The following DEPDC4 variants were observed in gnomAD, a reference collection of about 807,000 sequenced individuals.
DEPDC4 encodes the protein DEP domain containing 4.
A neutral mutation model predicts 52.0 loss-of-function variants in DEPDC4; 52 were observed. That is an observed-to-expected ratio of 1.00 (90% CI 0.80 to 1.26). DEPDC4 has a LOEUF of 1.26. Among genes scored for constraint, DEPDC4 ranks in the 50% most tolerant of loss-of-function variants. DEPDC4 has a pLI of 0.00. For missense variants in DEPDC4, 530 were observed against 546.9 expected (o/e 0.97, Z 0.31); for synonymous variants, 201 against 196.8 (o/e 1.02, Z -0.18).
chr12:100,235,083 A>G (rs1350567172), downstream of DEPDC4, among the ~76,000 whole-genome samples: 1 of 151,604 alleles, frequency 6.6e-6, no homozygotes, highest in Non-Finnish European at 1.5e-5. Flanking sequence ...ATATATGTAT[A>G]TACACATACA....
chr12:100,257,147 C>T lies in DEPDC4; in HGVS notation c.701-921G>A, dbSNP rs1296695935. Among the ~76,000 whole-genome samples, 6 of 147,808 alleles carry T rather than the reference C, an allele frequency of 4.1e-5. No homozygotes were observed. The East Asian group carries it at 8.2e-4, about 20-fold the overall frequency. On this transcript the variant is annotated intron_variant, in intron 3 of 9. Coordinates refer to ENST00000550587, the MANE Select transcript of DEPDC4 (RefSeq NM_001364818.2). ...AGGCTGGAGTGCAATGGTGCAATCT[C>T]GGCTCACTGCAACTTCCATCTCCCC... is the stretch of plus-strand genomic sequence containing the variant.
At chr12:100,244,093 GTGTATATATATATATA>G (rs1318081021) in intron 8 of DEPDC4, among the ~76,000 whole-genome samples, 2,488 of 89,300 alleles carry the variant, frequency 0.028, 177 homozygotes, top group African/African-American at 0.088. Flanking sequence ...CTCTCTCTCT[GTGTATATATATATATA>G]TATATATATA....
intron 2 of DEPDC4, 26 bp downstream of exon 2, chr12:100,263,471 A>G (rs1566327971): frequency 1.3e-6 from 2 of 1,519,610 alleles, no homozygotes; most frequent in East Asian, 2.3e-5. Flanking sequence ...AATAAAATAT[A>G]TTACAGTATC....
chr12:100,265,996 T>C (rs1462202811), intron 1 of DEPDC4, among the ~76,000 whole-genome samples: 6 of 152,154 alleles, frequency 3.9e-5, no homozygotes, highest in Admixed American at 6.5e-5. Flanking sequence ...TTTCAGACCA[T>C]TGCATCATTC....
At chr12:100,235,835 G>A (rs1354121126), downstream of DEPDC4, among the ~76,000 whole-genome samples, 11 of 152,106 alleles carry the variant, frequency 7.2e-5, no homozygotes, top group Non-Finnish European at 1.2e-4. Flanking sequence ...CAGCTTCCCA[G>A]AGTGTTGGGA....
At chr12:100,268,804 A>G (rs1363124718), upstream of DEPDC4, among the ~76,000 whole-genome samples, 2 of 152,124 alleles carry the variant, frequency 1.3e-5, no homozygotes, top group African/African-American at 4.8e-5. Flanking sequence ...TACTGTGTTT[A>G]ACTCCGTGGG....
the DEPDC4 span, among the ~76,000 whole-genome samples, chr12:100,273,102 G>A: frequency 9.5e-4 from 144 of 152,172 alleles, no homozygotes; most frequent in Middle Eastern, 6.8e-3. Context: ...TTGATAGAGT[G>A]ATTGATCATC....
chr12:100,238,309 C>T (rs1326515728), downstream of DEPDC4, among the ~76,000 whole-genome samples: 1 of 151,546 alleles, frequency 6.6e-6, no homozygotes, highest in Non-Finnish European at 1.5e-5. Context: ...ATGGCATGCA[C>T]CAACACTCCC....
At chr12:100,261,581 T>A (rs2096253742) in intron 3 of DEPDC4, 1 of 383,962 alleles carries the variant, frequency 2.6e-6, no homozygotes, top group African/African-American at 2.1e-5. Context: ...GATACACTCA[T>A]TAAGAAGATG....
At chr12:100,252,077 T>C in intron 7 of DEPDC4, 99 bp downstream of exon 7, 1 of 1,031,862 alleles carries the variant, frequency 9.7e-7, no homozygotes, top group Non-Finnish European at 1.2e-6. Flanking sequence ...TTGCACATTA[T>C]AGGTACTTAG....
downstream of DEPDC4, among the ~76,000 whole-genome samples, chr12:100,235,794 G>C (rs933713481): frequency 6.6e-6 from 1 of 152,094 alleles, no homozygotes; most frequent in African/African-American, 2.4e-5. Flanking sequence ...GGCTGGTCTT[G>C]AACTCCTGAC....
chr12:100,255,808 G>A (rs768509092), intron 4 of DEPDC4: 18 of 275,954 alleles, frequency 6.5e-5, no homozygotes, highest in African/African-American at 6.5e-5. Flanking sequence ...TGGATGATGC[G>A]GGGAGAAGAT....
the DEPDC4 span, among the ~76,000 whole-genome samples, chr12:100,273,179 GA>G: frequency 6.6e-6 from 1 of 152,104 alleles, no homozygotes; most frequent in South Asian, 2.1e-4. Context: ...TGTCCTTGGT[GA>G]TCTGGCTTTT....
intron 8 of DEPDC4, among the ~76,000 whole-genome samples, chr12:100,244,254 C>T (rs1460000445): frequency 6.6e-6 from 1 of 151,132 alleles, no homozygotes; most frequent in Admixed American, 6.6e-5. Flanking sequence ...GATCTCGGCT[C>T]ACTGCAAGCT....
chr12:100,255,939 A>G (rs1420405235), intron 4 of DEPDC4, 110 bp downstream of exon 4: 1 of 702,622 alleles, frequency 1.4e-6, no homozygotes, highest in East Asian at 2.7e-5. Context: ...TATAAAAGAG[A>G]GATAGTATAA....
chr12:100,281,019 G>GTTTTGTTTTTTTTTTTT, the DEPDC4 span, among the ~76,000 whole-genome samples: 31 of 50,490 alleles, frequency 6.1e-4, 2 homozygotes, highest in African/African-American at 2.1e-3. Flanking sequence ...TACCATCAGT[G>GTTTTGTTTTTTTTTTTT]TTTTTTTTTT....
the DEPDC4 span, among the ~76,000 whole-genome samples, chr12:100,280,428 G>A: frequency 1.3e-5 from 2 of 152,144 alleles, no homozygotes; most frequent in African/African-American, 2.4e-5. Flanking sequence ...CCTGACTCCA[G>A]ATTAGGAACT....
At chr12:100,262,706 A>T (rs955327711) in intron 2 of DEPDC4, among the ~76,000 whole-genome samples, 1 of 152,188 alleles carries the variant, frequency 6.6e-6, no homozygotes, top group Non-Finnish European at 1.5e-5. Flanking sequence ...CTTTTAGTAC[A>T]CTGGCTAAGT....
chr12:100,266,903 A>G lies in DEPDC4; in HGVS notation c.157+17T>C, dbSNP rs1279531217. ...CTCCACCTTCACTGCACATTTGGCT[A>G]GGATATACAGGGCTACCTGTCCTCC... On this transcript the variant is annotated intron_variant, in intron 1 of 9. Coordinates refer to ENST00000550587, the MANE Select transcript of DEPDC4 (RefSeq NM_001364818.2). 6.2e-7 allele frequency: 1 copy of G among 1,608,970 alleles called. No homozygotes were observed. Among genetic ancestry groups the G allele is most frequent in the Non-Finnish European group, 8.5e-7 (1 of 1,177,308 alleles).
Sources: allele counts gnomAD v4.1 joint callset (sites outside exome capture counted in the v4.1 genomes callset), GRCh38; gene constraint gnomAD v4.1.1; transcripts MANE v1.5; gene names NCBI Gene and HGNC (gene_info 2026-07-23, HGNC 2026-07-21).